The following RPS6KA5 variants were observed in gnomAD, a reference collection of about 807,000 sequenced individuals.
RPS6KA5 encodes the protein ribosomal protein S6 kinase A5.
A neutral mutation model predicts 85.5 loss-of-function variants in RPS6KA5; 27 were observed. The ratio of observed to expected loss-of-function variants is 0.32; its 90% confidence interval spans 0.23 to 0.44. The LOEUF is 0.44. RPS6KA5 is among the 20% of genes least tolerant of loss of function. The probability of loss-of-function intolerance (pLI) is 1.00; values close to 1 mark genes in which losing one functional copy is unlikely to be tolerated. For synonymous variants in RPS6KA5, 334 were observed against 348.2 expected (o/e 0.96, Z 0.46); for missense variants, 811 against 980.9 (o/e 0.83, Z 2.31).
intron 1 of RPS6KA5, among the ~76,000 whole-genome samples, chr14:91,051,717 G>A (rs1566910763): frequency 1.3e-5 from 2 of 151,866 alleles, no homozygotes. Context: ...TCGAACTCCT[G>A]ACCTCAGGTG....
intron 3 of RPS6KA5, among the ~76,000 whole-genome samples, chr14:90,956,471 A>C (rs1364740802): frequency 6.6e-6 from 1 of 152,118 alleles, no homozygotes; most frequent in East Asian, 1.9e-4. Flanking sequence ...CAGTCTGACA[A>C]TCTCTGCCTT....
chr14:90,910,245 G>T (rs1047200957), intron 7 of RPS6KA5, among the ~76,000 whole-genome samples: 6 of 151,966 alleles, frequency 3.9e-5, no homozygotes, highest in Non-Finnish European at 7.4e-5. Context: ...AAAACCAAAT[G>T]AAATAAAATT....
chr14:91,058,730 T>A (rs903615024), intron 1 of RPS6KA5, among the ~76,000 whole-genome samples: 1 of 152,214 alleles, frequency 6.6e-6, no homozygotes, highest in South Asian at 2.1e-4. Context: ...TCACCTGAAT[T>A]CATACAGGTT....
chr14:90,986,457 A>G (rs186307285), intron 2 of RPS6KA5, among the ~76,000 whole-genome samples: 1 of 152,286 alleles, frequency 6.6e-6, no homozygotes, highest in Admixed American at 6.5e-5. Context: ...TTACTAAAAA[A>G]AAAAAATACG....
Position 90,858,538 on chromosome 14 carries a change from A to G in RPS6KA5, c.*13536T>C, listed in dbSNP as rs1157954721. The stretch of plus-strand genomic sequence containing the variant: ...ATACTAGAGCTAAACGAAAGTAATA[A>G]TAAAAGCGAGAGTTCGTGGCAAAGT... On this transcript the variant is annotated 3_prime_UTR_variant, in exon 17 of 17. Transcript: ENST00000614987. 1 of 152,256 alleles carries G rather than the reference A, an allele frequency of 6.6e-6. No homozygotes were observed. Among genetic ancestry groups the G allele is most frequent in the South Asian group, 2.1e-4 (1 of 4,832 alleles). The allele number at this position is 152,256 out of a possible 1,614,324, so 9.4% of individuals were successfully genotyped here. A position where few individuals can be genotyped will look rare whatever the true frequency, so the allele number is the denominator to read the frequency against.
At chr14:90,999,901 G>A (rs1054248975) in intron 2 of RPS6KA5, among the ~76,000 whole-genome samples, 1 of 152,192 alleles carries the variant, frequency 6.6e-6, no homozygotes, top group South Asian at 2.1e-4. Context: ...AGAAAACCAA[G>A]ATCATGTAAA....
intron 1 of RPS6KA5, among the ~76,000 whole-genome samples, chr14:91,007,813 A>C (rs192764221): frequency 2.6e-5 from 4 of 152,060 alleles, no homozygotes; most frequent in Admixed American, 2.0e-4. Flanking sequence ...CTTTTCCTTC[A>C]GATTTAAATA....
rs1218997901 is a variant in RPS6KA5, at chr14:90,859,943, A to G, written c.*12131T>C. 6.8e-6 allele frequency: 1 copy of G among 146,644 alleles called. No individual in the cohort carries two copies. The highest frequency in any genetic ancestry group is 2.5e-5 in the African/African-American group (1 of 39,462). The allele number at this position is 146,644 out of a possible 1,614,324, so 9.1% of individuals were successfully genotyped here. A position where few individuals can be genotyped will look rare whatever the true frequency, so the allele number is the denominator to read the frequency against. ...ACATGGAAACAGGGAGGGGAACATC[A>G]CACGCTGGGGCCTGTCGGGGGGTTG... On this transcript the variant is annotated 3_prime_UTR_variant, in exon 17 of 17. Transcript: ENST00000614987.
chr14:90,968,386 G>C (rs139555545), intron 3 of RPS6KA5, among the ~76,000 whole-genome samples: 1 of 152,218 alleles, frequency 6.6e-6, no homozygotes, highest in Non-Finnish European at 1.5e-5. Context: ...CAATTTTAGA[G>C]TCAGCTGATT....
intron 1 of RPS6KA5, among the ~76,000 whole-genome samples, chr14:91,034,607 T>C (rs560280945): frequency 4.6e-5 from 7 of 152,238 alleles, no homozygotes; most frequent in African/African-American, 1.4e-4. Flanking sequence ...CAGCATGACA[T>C]GGGCAGCAAC....
intron 3 of RPS6KA5, among the ~76,000 whole-genome samples, chr14:90,964,034 G>A (rs989966804): frequency 2.6e-5 from 4 of 152,308 alleles, no homozygotes; most frequent in African/African-American, 9.6e-5. Context: ...AAGCAGTGGA[G>A]TGACCCAATC....
At chr14:90,923,808 CT>C in intron 5 of RPS6KA5, among the ~76,000 whole-genome samples, 1 of 152,014 alleles carries the variant, frequency 6.6e-6, no homozygotes, top group East Asian at 1.9e-4. Context: ...AAGATTATTT[CT>C]TAAAGATAGA....
chr14:91,001,580 G>C (rs1335492682), intron 1 of RPS6KA5, among the ~76,000 whole-genome samples: 2 of 152,098 alleles, frequency 1.3e-5, no homozygotes, highest in African/African-American at 4.8e-5. Flanking sequence ...TCTAGGGTAA[G>C]TTCTAGTTCC....
chr14:90,910,902 G>A (rs1394030406), intron 7 of RPS6KA5, among the ~76,000 whole-genome samples: 3 of 151,964 alleles, frequency 2.0e-5, no homozygotes, highest in Non-Finnish European at 4.4e-5. Context: ...AGCCAGGATC[G>A]TCTCGATCTC....
intron 5 of RPS6KA5, among the ~76,000 whole-genome samples, chr14:90,935,725 C>T (rs1377289438): frequency 6.6e-6 from 1 of 152,264 alleles, no homozygotes; most frequent in East Asian, 1.9e-4. Flanking sequence ...AGTACAGATA[C>T]TCTGTACTGT....
chr14:90,902,665 A>G, intron 9 of RPS6KA5, 143 bp downstream of exon 9: 3 of 644,724 alleles, frequency 4.7e-6, no homozygotes, highest in Non-Finnish European at 7.3e-6. Context: ...AACAATGTGC[A>G]ATATTTCTGC....
intron 5 of RPS6KA5, among the ~76,000 whole-genome samples, chr14:90,937,318 G>A (rs2037314252): frequency 6.6e-6 from 1 of 152,116 alleles, no homozygotes; most frequent in South Asian, 2.1e-4. Flanking sequence ...GAATTGATAA[G>A]GGAGTAAGGG....
chr14:90,872,362 G>T, intron 16 of RPS6KA5, 40 bp from the exon 17 acceptor site: 1 of 1,562,948 alleles, frequency 6.4e-7, no homozygotes. Flanking sequence ...GAAGGTAAAA[G>T]TACTGAAGCT....
chr14:90,947,665 T>C (rs975850228), intron 3 of RPS6KA5, 115 bp from the exon 4 acceptor site: 3 of 633,848 alleles, frequency 4.7e-6, no homozygotes, highest in Admixed American at 2.7e-5. Context: ...TATTGCTATA[T>C]ACAATTTAGC....
Sources: allele counts gnomAD v4.1 joint callset (sites outside exome capture counted in the v4.1 genomes callset), GRCh38; gene constraint gnomAD v4.1.1; transcripts MANE v1.5; gene names NCBI Gene and HGNC (gene_info 2026-07-23, HGNC 2026-07-21).